The following PIK3C2G variants were observed in gnomAD, a reference collection of about 807,000 sequenced individuals.
PIK3C2G encodes the protein phosphatidylinositol 3-kinase C2 domain-containing subunit gamma.
PIK3C2G carries 168 observed loss-of-function variants against 181.1 expected under a neutral mutation model. The observed-to-expected ratio is 0.93, with a 90% CI of 0.82 to 1.05. The LOEUF (loss-of-function observed/expected upper bound fraction) is 1.05. Among genes scored for constraint, PIK3C2G ranks in the 50% least tolerant of loss-of-function variants. PIK3C2G has a pLI of 0.00. For synonymous variants in PIK3C2G, 573 were observed against 592.2 expected, an observed-to-expected ratio of 0.97 and a Z score of 0.47; for missense variants, 1,869 against 1,732.8, an observed-to-expected ratio of 1.08 and a Z score of -1.40.
intron 18 of PIK3C2G, among the ~76,000 whole-genome samples, chr12:18,437,662 T>G (rs1946518350): frequency 6.6e-6 from 1 of 151,968 alleles, no homozygotes; most frequent in African/African-American, 2.4e-5. Flanking sequence ...GTAAATGTCA[T>G]TAATTTACCA....
intron 26 of PIK3C2G, among the ~76,000 whole-genome samples, chr12:18,561,208 G>T (rs1222042675): frequency 2.0e-5 from 3 of 152,170 alleles, no homozygotes; most frequent in Non-Finnish European, 1.5e-5. Context: ...TTAAGTGAAG[G>T]TTATAAGAGA....
In PIK3C2G at chr12:18,488,617, C is replaced by G; in HGVS notation, c.2673C>G (p.Asp891Glu). ...GGGAAAGAGTCAAGTCTGCCAGTGA[C>G]CATCAAAGACAGGTTTGTTGAAATA... ...DIGERVKSASDHQRQEVLKKE... is the reference protein window; with the variant it reads ...DIGERVKSASEHQRQEVLKKE... The change falls in exon 19 of 33, where the codon GAC becomes GAG. Residue 891 changes from aspartate (D) to glutamate (E), a missense_variant. By Grantham distance (45) the Asp-to-Glu change is conservative. Coordinates refer to ENST00000538779, the MANE Select transcript of PIK3C2G (RefSeq NM_001288772.2). The G allele has an allele frequency of 6.6e-7, 1 of 1,512,692 alleles. No homozygotes were observed. Among genetic ancestry groups the G allele is most frequent in the Non-Finnish European group, 8.9e-7 (1 of 1,128,860 alleles). The allele number at this position is 1,512,692 out of a possible 1,614,324, so 93.7% of individuals were successfully genotyped here. A position where few individuals can be genotyped will look rare whatever the true frequency, so the allele number is the denominator to read the frequency against.
chr12:18,381,720 T>G (rs760595507), intron 13 of PIK3C2G, 46 bp from the exon 14 acceptor site: 2 of 1,085,502 alleles, frequency 1.8e-6, no homozygotes, highest in Non-Finnish European at 2.9e-6. Flanking sequence ...ATAACTTCCC[T>G]CATGAAGTGA....
intron 18 of PIK3C2G, among the ~76,000 whole-genome samples, chr12:18,473,358 A>G (rs1376389089): frequency 6.6e-6 from 1 of 152,198 alleles, no homozygotes; most frequent in East Asian, 1.9e-4. Flanking sequence ...GATACTGTGC[A>G]AACTTTAATC....
intron 8 of PIK3C2G, among the ~76,000 whole-genome samples, chr12:18,335,942 C>T (rs1938488693): frequency 6.6e-6 from 1 of 152,004 alleles, no homozygotes; most frequent in Admixed American, 6.6e-5. Flanking sequence ...ATTAGTATTT[C>T]AATTAGTGAT....
intron 24 of PIK3C2G, among the ~76,000 whole-genome samples, chr12:18,522,449 A>G (rs1942978680): frequency 6.6e-6 from 1 of 151,578 alleles, no homozygotes; most frequent in Admixed American, 6.6e-5. Context: ...GTGGTGATGA[A>G]CTCCATTAGC....
intron 13 of PIK3C2G, among the ~76,000 whole-genome samples, chr12:18,380,191 G>A (rs139761766): frequency 4.3e-4 from 66 of 152,218 alleles, no homozygotes; most frequent in African/African-American, 1.5e-3. Context: ...GCCTATGTCC[G>A]CCGTGCTTAC....
chr12:18,451,443 C>T (rs1293701071), intron 18 of PIK3C2G, among the ~76,000 whole-genome samples: 2 of 152,180 alleles, frequency 1.3e-5, no homozygotes, highest in African/African-American at 4.8e-5. Context: ...TGAGACTTTG[C>T]TGAAGTTGCT....
At chr12:18,456,557 C>T (rs1947640544) in intron 18 of PIK3C2G, among the ~76,000 whole-genome samples, 1 of 152,132 alleles carries the variant, frequency 6.6e-6, no homozygotes, top group South Asian at 2.1e-4. Context: ...CTAGCCGCCC[C>T]AACCTAATCT....
chr12:18,595,456 G>A (rs185625536), intron 30 of PIK3C2G, among the ~76,000 whole-genome samples: 52 of 152,232 alleles, frequency 3.4e-4, no homozygotes, highest in African/African-American at 1.2e-3. Context: ...GTGGATTCCA[G>A]ATACCTGTGT....
At chr12:18,494,365 G>A (rs1940830370) in intron 20 of PIK3C2G, among the ~76,000 whole-genome samples, 1 of 151,828 alleles carries the variant, frequency 6.6e-6, no homozygotes, top group Non-Finnish European at 1.5e-5. Flanking sequence ...AAACTATCCT[G>A]TGAATTATTT....
chr12:18,288,281 C>T (rs1277680301), intron 3 of PIK3C2G, among the ~76,000 whole-genome samples: 2 of 152,096 alleles, frequency 1.3e-5, no homozygotes, highest in African/African-American at 4.8e-5. Context: ...TCAGTTTCTA[C>T]CAAATGATTA....
intron 30 of PIK3C2G, among the ~76,000 whole-genome samples, chr12:18,595,242 C>T (rs890463623): frequency 1.3e-5 from 2 of 151,982 alleles, no homozygotes; most frequent in Non-Finnish European, 2.9e-5. Flanking sequence ...TCTTTTGTCA[C>T]AGAACATTAG....
rs1420269728 is a variant in PIK3C2G, at chr12:18,371,238, C to T, written c.1807C>T (p.Leu603=). ...LPRESMLTVK[L]FGIACATNNA... is the part of the protein sequence containing the mutation. The stretch of plus-strand genomic sequence containing the variant: ...AAGGGAATCCATGCTCACTGTAAAA[C>T]TGTTTGGGATTGCCTGTGCAACCAA... Residue 603 remains leucine, a synonymous_variant, in exon 13 of 33, where the codon CTG becomes TTG. Transcript: ENST00000538779. 7 of 1,612,278 alleles carry T rather than the reference C, an allele frequency of 4.3e-6. No individual in the cohort carries two copies. Among genetic ancestry groups the T allele is most frequent in the Non-Finnish European group, 5.9e-6 (7 of 1,178,884 alleles).
chr12:18,449,280 T>C (rs1482499975), intron 18 of PIK3C2G, among the ~76,000 whole-genome samples: 2 of 152,052 alleles, frequency 1.3e-5, no homozygotes, highest in East Asian at 3.8e-4. Context: ...TTTATTTTTA[T>C]TATTTATTAT....
chr12:18,657,137 C>T, the PIK3C2G span, among the ~76,000 whole-genome samples: 2 of 152,130 alleles, frequency 1.3e-5, no homozygotes, highest in Admixed American at 6.5e-5. Context: ...GAGGTGACTA[C>T]CCAGGGAGAA....
At chr12:18,269,166 C>T (rs1948638936) in intron 1 of PIK3C2G, among the ~76,000 whole-genome samples, 1 of 152,078 alleles carries the variant, frequency 6.6e-6, no homozygotes, top group Non-Finnish European at 1.5e-5. Context: ...CCTGCCTCGG[C>T]CTCCCAAAGT....
intron 26 of PIK3C2G, among the ~76,000 whole-genome samples, chr12:18,554,982 T>C (rs186474516): frequency 6.6e-6 from 1 of 152,076 alleles, no homozygotes; most frequent in East Asian, 1.9e-4. Flanking sequence ...ATGAAGAAAT[T>C]TGTTCATGGG....
At chr12:18,717,923 AT>A in the PIK3C2G span, among the ~76,000 whole-genome samples, 100 of 152,254 alleles carry the variant, frequency 6.6e-4, no homozygotes, top group African/African-American at 2.2e-3. Context: ...CAAGCTAGCA[AT>A]ATGCTGTATG....
Sources: allele counts gnomAD v4.1 joint callset (sites outside exome capture counted in the v4.1 genomes callset), GRCh38; gene constraint gnomAD v4.1.1; transcripts MANE v1.5; gene names NCBI Gene and HGNC (gene_info 2026-07-23, HGNC 2026-07-21).